CACNA1E: variants seen among roughly 807,000 people sequenced by gnomAD.
The protein encoded by CACNA1E is calcium voltage-gated channel subunit alpha1 E.
In CACNA1E, 40 loss-of-function variants were observed where a neutral mutation model predicts 259.2. That is an observed-to-expected ratio of 0.15 (90% CI 0.12 to 0.20). CACNA1E has a LOEUF of 0.20. Ranked by LOEUF, CACNA1E falls within the 10% of genes least tolerant of loss-of-function variation. The pLI is 1.00. For synonymous variants in CACNA1E, 1,104 were observed against 1,138.5 expected (o/e 0.97, Z 0.61); for missense variants, 1,874 against 3,040.1 (o/e 0.62, Z 9.02).
intron 6 of CACNA1E, among the ~76,000 whole-genome samples, chr1:181,598,707 A>G (rs1354631671): frequency 2.0e-5 from 3 of 152,180 alleles, no homozygotes; most frequent in African/African-American, 7.2e-5. Context: ...CAGTGCCCCC[A>G]GGGCTCAAAT....
intron 7 of CACNA1E, among the ~76,000 whole-genome samples, chr1:181,677,524 A>G (rs1179912830): frequency 6.6e-6 from 1 of 152,214 alleles, no homozygotes; most frequent in Admixed American, 6.5e-5. Flanking sequence ...GTCACAAAAC[A>G]CAAATTATGT....
intron 6 of CACNA1E, among the ~76,000 whole-genome samples, chr1:181,605,479 C>T (rs1208711290): frequency 5.3e-5 from 8 of 151,662 alleles, no homozygotes; most frequent in African/African-American, 1.5e-4. Flanking sequence ...TCCTTTTCTT[C>T]GTGTTTTTGA....
At chr1:181,631,493 T>TTGTG (rs1377812713) in intron 6 of CACNA1E, among the ~76,000 whole-genome samples, 83 of 152,294 alleles carry the variant, frequency 5.4e-4, no homozygotes, top group African/African-American at 1.9e-3. Context: ...TCCCCCAGCA[T>TTGTG]CGTGCTCTGA....
At chr1:181,724,418 T>C in intron 16 of CACNA1E, 52 bp from the exon 17 acceptor site, 1 of 1,471,916 alleles carries the variant, frequency 6.8e-7, no homozygotes, top group Non-Finnish European at 9.5e-7. Context: ...CTCTCAGCCT[T>C]GCTGAAGACT....
At chr1:181,332,298 G>A (rs1329101189) in intron 1 of CACNA1E, among the ~76,000 whole-genome samples, 3 of 152,158 alleles carry the variant, frequency 2.0e-5, no homozygotes, top group Admixed American at 1.3e-4. Context: ...GGGACAATCT[G>A]TGCAGCAAAC....
intron 1 of CACNA1E, among the ~76,000 whole-genome samples, chr1:181,330,145 G>C (rs559123578): frequency 1.3e-5 from 2 of 152,256 alleles, no homozygotes; most frequent in African/African-American, 4.8e-5. Context: ...TCATACTGAA[G>C]ACCCAGGGTC....
intron 6 of CACNA1E, among the ~76,000 whole-genome samples, chr1:181,582,876 G>A (rs577864101): frequency 5.9e-5 from 9 of 152,226 alleles, no homozygotes; most frequent in Admixed American, 4.6e-4. Flanking sequence ...ACTAAGGAGG[G>A]AAGGAGGGAG....
intron 7 of CACNA1E, among the ~76,000 whole-genome samples, chr1:181,656,875 A>G (rs1659248206): frequency 6.6e-6 from 1 of 152,260 alleles, no homozygotes. Flanking sequence ...GTATAGTAAC[A>G]TGCTGTATAG....
chr1:181,579,301 G>C, intron 5 of CACNA1E, 77 bp downstream of exon 5: 1 of 1,240,290 alleles, frequency 8.1e-7, no homozygotes, highest in Non-Finnish European at 1.1e-6. Flanking sequence ...GCACTTGGAG[G>C]CTCATTGGAA....
intron 1 of CACNA1E, among the ~76,000 whole-genome samples, chr1:181,339,756 T>C (rs184111064): frequency 6.6e-6 from 1 of 152,196 alleles, no homozygotes. Flanking sequence ...TTTAAAATTA[T>C]TAAAAACCAT....
rs1175759822 is a variant in CACNA1E at position 181,798,515 on chromosome 1, C to T, written c.6623C>T (p.Thr2208Ile). The T allele has an allele frequency of 3.7e-6, 6 of 1,613,918 alleles. No individual in the cohort carries two copies. The Admixed American group carries it at 5.0e-5, about 13-fold the overall frequency. Residue 2208 changes from threonine (T) to isoleucine (I), a missense_variant, in exon 48 of 48, where the codon ACC becomes ATC. By Grantham distance (89) the Thr-to-Ile change is moderately conservative. Coordinates refer to ENST00000367573, the MANE Select transcript of CACNA1E (RefSeq NM_001205293.3). The surrounding 1 kb of genome is among the most constrained non-coding windows in gnomAD (Gnocchi z 4.2). ...QALESNNACL[T>I]ESSNSPHPQQ... ...CTGGAGAGCAACAATGCTTGCCTGACCGAGTCTTCCAACTCTCCGCACCCC... is the reference window on the plus strand; with the variant it reads ...CTGGAGAGCAACAATGCTTGCCTGATCGAGTCTTCCAACTCTCCGCACCCC...
chr1:181,797,242 G>T (rs1661890336), intron 47 of CACNA1E, among the ~76,000 whole-genome samples: 1 of 152,140 alleles, frequency 6.6e-6, no homozygotes, highest in Non-Finnish European at 1.5e-5. Context: ...CTCAGCCCAG[G>T]ATTCACAAGT....
chr1:181,519,577 A>T (rs1004629576), intron 3 of CACNA1E, among the ~76,000 whole-genome samples: 2 of 152,144 alleles, frequency 1.3e-5, no homozygotes, highest in African/African-American at 4.8e-5. Context: ...ACTTTCCCTT[A>T]CTTATTATTT....
intron 43 of CACNA1E, among the ~76,000 whole-genome samples, chr1:181,788,278 C>T (rs1452533189): frequency 1.3e-5 from 2 of 152,142 alleles, no homozygotes; most frequent in Non-Finnish European, 2.9e-5. Flanking sequence ...CATTTCCTGA[C>T]ATTGGGACAC....
At chr1:181,373,578 C>A (rs1160096143) in intron 1 of CACNA1E, among the ~76,000 whole-genome samples, 1 of 147,774 alleles carries the variant, frequency 6.8e-6, no homozygotes, top group Non-Finnish European at 1.5e-5. Context: ...CGCTCTGTCG[C>A]CCAGGCTGGA....
At position 181,733,287 on chromosome 1, in the gene CACNA1E, C is replaced by A. The variant is rs544003934; in HGVS notation, c.2949-150C>A. On this transcript the variant is annotated intron_variant, in intron 20 of 47. Transcript: ENST00000367573. ...TGGCCATGGCTTGTGGGTCTTAGCA[C>A]CTCTCTGCCTGTCTGGTTGGGGTGG... 17 of 792,360 alleles carry A rather than the reference C, an allele frequency of 2.1e-5. No individual in the cohort carries two copies. In the South Asian group the frequency reaches 3.1e-4, roughly 14 times the overall value. The allele number at this position is 792,360 out of a possible 1,614,324, so 49.1% of individuals were successfully genotyped here. A position where few individuals can be genotyped will look rare whatever the true frequency, so the allele number is the denominator to read the frequency against.
intron 6 of CACNA1E, among the ~76,000 whole-genome samples, chr1:181,586,116 A>G (rs1413465099): frequency 6.6e-6 from 1 of 152,202 alleles, no homozygotes; most frequent in Non-Finnish European, 1.5e-5. Context: ...GATTCTGCAT[A>G]TATTTTTAAG....
intron 25 of CACNA1E, among the ~76,000 whole-genome samples, chr1:181,743,822 C>G (rs1262782435): frequency 6.6e-6 from 1 of 152,228 alleles, no homozygotes; most frequent in Non-Finnish European, 1.5e-5. Context: ...AAGTAGTCAT[C>G]TCACAGCTTA....
intron 32 of CACNA1E, among the ~76,000 whole-genome samples, chr1:181,761,679 G>A (rs1378692518): frequency 2.0e-5 from 3 of 152,200 alleles, no homozygotes; most frequent in Admixed American, 6.5e-5. Context: ...GTTACAGACT[G>A]CCCTTTAAAT....
Sources: gnomAD v4.1 joint callset for allele counts (sites outside exome capture counted in the v4.1 genomes callset) on GRCh38, gnomAD v4.1.1 for gene constraint, Gnocchi (gnomAD v3.1) non-coding constraint, MANE v1.5 for transcripts, NCBI Gene and HGNC (gene_info 2026-07-23, HGNC 2026-07-21) for gene names.